The following GRM7 variants were observed in gnomAD, a reference collection of about 807,000 sequenced individuals.
GRM7 encodes glutamate metabotropic receptor 7, also known as metabotropic glutamate receptor 7.
GRM7 carries 35 observed loss-of-function variants against 84.5 expected under a neutral mutation model. The observed-to-expected ratio is 0.41, with a 90% CI of 0.32 to 0.55. The LOEUF is 0.55. Ranked by LOEUF, GRM7 falls within the 20% of genes least tolerant of loss-of-function variation. GRM7 has a pLI of 0.19. For missense variants in GRM7, 1,003 were observed against 1,194.6 expected (o/e 0.84, Z 2.36); for synonymous variants, 487 against 455.1 (o/e 1.07, Z -0.89).
chr3:7,475,840 C>G (rs1698900542), intron 7 of GRM7, among the ~76,000 whole-genome samples: 1 of 152,092 alleles, frequency 6.6e-6, no homozygotes, highest in South Asian at 2.1e-4. Context: ...GTTGAAATGC[C>G]TTCTTTCACT....
chr3:7,292,446 C>T (rs1302087594), intron 2 of GRM7, among the ~76,000 whole-genome samples: 1 of 152,070 alleles, frequency 6.6e-6, no homozygotes, highest in Non-Finnish European at 1.5e-5. Context: ...ACTACTCTGC[C>T]ATTCAAGTTG....
chr3:7,460,590 A>G (rs969496197), intron 6 of GRM7, among the ~76,000 whole-genome samples: 1 of 152,164 alleles, frequency 6.6e-6, no homozygotes, highest in Admixed American at 6.6e-5. Context: ...GTATTAGCCT[A>G]TAGACAGATA....
intron 1 of GRM7, among the ~76,000 whole-genome samples, chr3:6,897,007 G>A (rs969733585): frequency 5.3e-5 from 8 of 152,230 alleles, no homozygotes; most frequent in South Asian, 2.1e-4. Context: ...ATTCTTGAGT[G>A]TGGTGTATTT....
At chr3:7,468,801 T>C (rs1267204353) in intron 7 of GRM7, among the ~76,000 whole-genome samples, 2 of 152,140 alleles carry the variant, frequency 1.3e-5, no homozygotes, top group East Asian at 3.9e-4. Context: ...TCCACTGCTT[T>C]CACTCCTTTC....
At chr3:7,357,014 A>G (rs1275951005) in intron 4 of GRM7, among the ~76,000 whole-genome samples, 1 of 149,640 alleles carries the variant, frequency 6.7e-6, no homozygotes. Flanking sequence ...ATCATATAAT[A>G]TATATTTGAT....
At position 7,410,598 on chromosome 3, in the gene GRM7, T is replaced by TATATACAC. The variant is rs1553585464; in HGVS notation, c.1034-4424_1034-4423insTATACACA. Reference sequence around the variant, plus strand: ...AAAAAACAAAATATATATATATATATACACACACACACACACACACACACA... The same window carrying TATATACAC: ...AAAAAACAAAATATATATATATATATATATACACACACACACACACACACACACACACA... On this transcript the variant is annotated intron_variant, in intron 4 of 9. Coordinates refer to ENST00000357716, the MANE Select transcript of GRM7 (RefSeq NM_000844.4). Among the ~76,000 whole-genome samples the TATATACAC allele has an allele frequency of 4.2e-5, 6 of 142,690 alleles. No individual in the cohort carries two copies. In the East Asian group the frequency reaches 8.3e-4, roughly 20 times the overall value. The allele number at this position is 142,690 out of a possible 152,430, so 93.6% of individuals were successfully genotyped here. A position where few individuals can be genotyped will look rare whatever the true frequency, so the allele number is the denominator to read the frequency against.
chr3:7,636,652 CG>C (rs1698108836), intron 8 of GRM7, among the ~76,000 whole-genome samples: 2 of 152,176 alleles, frequency 1.3e-5, no homozygotes, highest in Admixed American at 1.3e-4. Flanking sequence ...AGAGAATCCT[CG>C]GATCACAGGC....
At chr3:7,441,981 A>G (rs1362458570) in intron 5 of GRM7, among the ~76,000 whole-genome samples, 2 of 151,074 alleles carry the variant, frequency 1.3e-5, no homozygotes, top group African/African-American at 4.9e-5. Context: ...GTTCCATATG[A>G]CTTTTAGAAT....
chr3:7,626,924 CTT>C (rs34233877), intron 8 of GRM7, among the ~76,000 whole-genome samples: 148 of 143,468 alleles, frequency 1.0e-3, no homozygotes, highest in East Asian at 2.4e-3. Context: ...ATGAGCACCT[CTT>C]TTTTTTTTTT....
chr3:7,333,579 A>G (rs1036283149), intron 4 of GRM7, among the ~76,000 whole-genome samples: 2 of 152,186 alleles, frequency 1.3e-5, no homozygotes, highest in African/African-American at 4.8e-5. Context: ...AACATCCCCA[A>G]AAGATCACAC....
chr3:7,286,479 A>G (rs771545704), intron 2 of GRM7, among the ~76,000 whole-genome samples: 1 of 152,196 alleles, frequency 6.6e-6, no homozygotes, highest in Non-Finnish European at 1.5e-5. Context: ...AGCTACTTCA[A>G]AAGCTTTGGT....
In GRM7 at chr3:7,041,197, C is replaced by T. The variant is rs148735432; in HGVS notation, c.520-105255C>T. Among the ~76,000 whole-genome samples the T allele has an allele frequency of 5.3e-5, 8 of 152,022 alleles. 1 individual carries two copies. In the East Asian group the frequency reaches 1.4e-3, roughly 26 times the overall value. On this transcript the variant is annotated intron_variant, in intron 1 of 9. Coordinates refer to ENST00000357716, the MANE Select transcript of GRM7 (RefSeq NM_000844.4). ...AGTGAACACTTTAATAAAGGTTTAT[C>T]TTGATTCTTAGGTGTATACATATCA...
chr3:7,349,421 G>A (rs1261955086), intron 4 of GRM7, among the ~76,000 whole-genome samples: 1 of 152,120 alleles, frequency 6.6e-6, no homozygotes, highest in African/African-American at 2.4e-5. Flanking sequence ...AGCACAGTAT[G>A]AATATTTCTG....
At chr3:7,522,275 A>G (rs991735805) in intron 7 of GRM7, among the ~76,000 whole-genome samples, 10 of 151,538 alleles carry the variant, frequency 6.6e-5, no homozygotes, top group African/African-American at 1.9e-4. Flanking sequence ...TACAAACGCA[A>G]TCAACTCGGG....
intron 8 of GRM7, among the ~76,000 whole-genome samples, chr3:7,642,257 ATACT>A (rs538179425): frequency 3.7e-4 from 56 of 152,148 alleles, no homozygotes; most frequent in Non-Finnish European, 6.8e-4. Context: ...TGAGTACCAA[ATACT>A]TAGTCAAATT....
At chr3:7,489,667 A>G (rs2124948396) in intron 7 of GRM7, among the ~76,000 whole-genome samples, 1 of 152,296 alleles carries the variant, frequency 6.6e-6, no homozygotes, top group South Asian at 2.1e-4. Flanking sequence ...TTTTGTGTGT[A>G]TGCATAATAT....
At chr3:7,348,911 A>C (rs945767175) in intron 4 of GRM7, among the ~76,000 whole-genome samples, 1 of 152,258 alleles carries the variant, frequency 6.6e-6, no homozygotes, top group African/African-American at 2.4e-5. Flanking sequence ...CATACATGTA[A>C]TTCTTTAAGC....
intron 9 of GRM7, among the ~76,000 whole-genome samples, chr3:7,710,515 A>G (rs1701545509): frequency 6.6e-6 from 1 of 151,902 alleles, no homozygotes; most frequent in South Asian, 2.1e-4. Flanking sequence ...GAGCATTATC[A>G]GGAAACCAAC....
chr3:7,523,304 T>G (rs1700668982), intron 7 of GRM7, among the ~76,000 whole-genome samples: 2 of 152,184 alleles, frequency 1.3e-5, no homozygotes, highest in African/African-American at 2.4e-5. Flanking sequence ...ATTTTTTTCC[T>G]TAGTGAAATT....
Sources: allele counts gnomAD v4.1 joint callset (sites outside exome capture counted in the v4.1 genomes callset), GRCh38; gene constraint gnomAD v4.1.1; transcripts MANE v1.5; gene names NCBI Gene and HGNC (gene_info 2026-07-23, HGNC 2026-07-21).